Variants in GRK5 observed in about 807,000 individuals in gnomAD.
GRK5 encodes the protein g protein-coupled receptor kinase GRK5.
Under a neutral mutation model 78.4 loss-of-function variants are expected in GRK5, and 40 were observed. The observed-to-expected ratio is 0.51, with a 90% CI of 0.40 to 0.66. The LOEUF is 0.66. Ranked by LOEUF, GRK5 falls within the 30% of genes least tolerant of loss-of-function variation. GRK5 has a pLI of 0.00. For missense variants in GRK5, 598 were observed against 759.9 expected (o/e 0.79, Z 2.50); for synonymous variants, 289 against 296.8 (o/e 0.97, Z 0.27).
intron 1 of GRK5, among the ~76,000 whole-genome samples, chr10:119,285,264 A>G (rs924560303): frequency 1.3e-5 from 2 of 152,066 alleles, no homozygotes; most frequent in African/African-American, 2.4e-5. Flanking sequence ...GTTTTCTCAA[A>G]TGGGTCTCTA....
chr10:119,278,734 G>A (rs918187613), intron 1 of GRK5, among the ~76,000 whole-genome samples: 1 of 152,144 alleles, frequency 6.6e-6, no homozygotes, highest in African/African-American at 2.4e-5. Flanking sequence ...CCAGTCTGGA[G>A]GCTGGAAGTT....
In GRK5 at chr10:119,321,596, C is replaced by A. The variant is rs770968940; in HGVS notation, c.53-4920C>A. ...TTAGGACCCTGTTGGTGACAGTGGG[C>A]CCACCTGGATAATCCAGGATTATGT... On this transcript the variant is annotated intron_variant, in intron 1 of 15. Coordinates refer to ENST00000392870, the MANE Select transcript of GRK5 (RefSeq NM_005308.3). 9.2e-5 allele frequency among the ~76,000 whole-genome samples: 14 copies of A among 152,320 alleles called. No individual in the cohort carries two copies. In the East Asian group the frequency reaches 1.3e-3, roughly 15 times the overall value.
intron 3 of GRK5, among the ~76,000 whole-genome samples, chr10:119,394,143 G>A (rs1361964059): frequency 6.3e-5 from 8 of 127,456 alleles, no homozygotes; most frequent in East Asian, 2.7e-4. Context: ...GGTATCTGTG[G>A]GTATGTGTGT....
rs112263212 is a variant in GRK5 at position 119,324,402 on chromosome 10, G to A, written c.53-2114G>A. 2.8e-3 allele frequency among the ~76,000 whole-genome samples: 421 copies of A among 152,334 alleles called. 2 individuals carry two copies. Among genetic ancestry groups the A allele is most frequent in the African/African-American group, 9.6e-3 (400 of 41,584 alleles). ...AGCACTTTGGGAGGCCAAGGCAGGC[G>A]GATCACTTGAGGTCAGGAGTTTGAG... On this transcript the variant is annotated intron_variant, in intron 1 of 15. Coordinates refer to ENST00000392870, the MANE Select transcript of GRK5 (RefSeq NM_005308.3).
At chr10:119,341,783 A>G (rs2133785350) in intron 2 of GRK5, among the ~76,000 whole-genome samples, 1 of 152,250 alleles carries the variant, frequency 6.6e-6, no homozygotes, top group South Asian at 2.1e-4. Flanking sequence ...AAAAACACTC[A>G]ATCTTCCCAA....
intron 1 of GRK5, among the ~76,000 whole-genome samples, chr10:119,317,349 T>G (rs1412922570): frequency 0.011 from 11 of 978 alleles, no homozygotes; most frequent in Non-Finnish European, 0.023. Flanking sequence ...AGTAGATGGG[T>G]GTGTGTGTGT....
At chr10:119,424,325 G>T (rs1034590759) in intron 5 of GRK5, among the ~76,000 whole-genome samples, 15 of 152,154 alleles carry the variant, frequency 9.9e-5, no homozygotes, top group Non-Finnish European at 1.5e-4. Context: ...AGATTACTCA[G>T]TGTGGCCACT....
chr10:119,324,747 T>A (rs1168549455), intron 1 of GRK5, among the ~76,000 whole-genome samples: 1 of 152,272 alleles, frequency 6.6e-6, no homozygotes, highest in Non-Finnish European at 1.5e-5. Flanking sequence ...TATGTTTATA[T>A]GTACATGAAA....
intron 1 of GRK5, among the ~76,000 whole-genome samples, chr10:119,230,092 T>C (rs1589691164): frequency 6.6e-6 from 1 of 151,146 alleles, no homozygotes; most frequent in Non-Finnish European, 1.5e-5. Context: ...GAGCCTGGAG[T>C]AGTTGTGGGG....
intron 2 of GRK5, among the ~76,000 whole-genome samples, chr10:119,370,454 G>A (rs1185029139): frequency 6.6e-6 from 1 of 152,186 alleles, no homozygotes; most frequent in Non-Finnish European, 1.5e-5. Context: ...GCTTGGTTTG[G>A]GTGTGTTTGT....
rs1370654349 is a variant in GRK5, at chr10:119,358,823, G to A, written c.149-21992G>A. On this transcript the variant is annotated intron_variant, in intron 2 of 15. Coordinates refer to ENST00000392870, the MANE Select transcript of GRK5 (RefSeq NM_005308.3). ...CACAGTTCTGGGGGCCACAGTTCAAGATCCAGGTGCCTCAGGGCTGGCTTC... is the reference window on the plus strand; with the variant it reads ...CACAGTTCTGGGGGCCACAGTTCAAAATCCAGGTGCCTCAGGGCTGGCTTC... Among the ~76,000 whole-genome samples the A allele has an allele frequency of 7.9e-5, 12 of 152,306 alleles. No homozygotes were observed. In the East Asian group the frequency reaches 2.1e-3, roughly 27 times the overall value.
intron 1 of GRK5, among the ~76,000 whole-genome samples, chr10:119,311,914 ATT>A (rs1554905357): frequency 3.6e-5 from 5 of 137,802 alleles, no homozygotes; most frequent in Non-Finnish European, 4.6e-5. Flanking sequence ...TGAATTGTTC[ATT>A]TTTTTTTTTT....
intron 11 of GRK5, among the ~76,000 whole-genome samples, chr10:119,442,724 C>G (rs954242381): frequency 6.6e-6 from 1 of 152,238 alleles, no homozygotes; most frequent in African/African-American, 2.4e-5. Context: ...GCCCTCTAGT[C>G]AGGCTGGTAC....
At chr10:119,419,348 G>C (rs1852525643) in intron 4 of GRK5, among the ~76,000 whole-genome samples, 1 of 152,232 alleles carries the variant, frequency 6.6e-6, no homozygotes, top group African/African-American at 2.4e-5. Context: ...TCCAGGGAAG[G>C]ACCAGACATC....
chr10:119,394,888 G>A (rs1003100835), intron 3 of GRK5, among the ~76,000 whole-genome samples: 4 of 143,034 alleles, frequency 2.8e-5, no homozygotes, highest in South Asian at 4.6e-4. Context: ...AGCGACAGGG[G>A]GCACAGAGGA....
At chr10:119,395,316 G>A (rs577057590) in intron 3 of GRK5, among the ~76,000 whole-genome samples, 2 of 152,342 alleles carry the variant, frequency 1.3e-5, no homozygotes, top group African/African-American at 2.4e-5. Context: ...GGTTGGAAAC[G>A]AGCCTGGCTG....
chr10:119,359,043 G>C (rs1851314394), intron 2 of GRK5, among the ~76,000 whole-genome samples: 1 of 152,170 alleles, frequency 6.6e-6, no homozygotes, highest in Non-Finnish European at 1.5e-5. Flanking sequence ...TTGGGGGTTA[G>C]GGCTTCAACA....
chr10:119,213,742 G>A (rs1042966354), intron 1 of GRK5, among the ~76,000 whole-genome samples: 4 of 152,286 alleles, frequency 2.6e-5, no homozygotes, highest in African/African-American at 9.6e-5. Flanking sequence ...AAAAGAGAAA[G>A]TCCTTACTTC....
chr10:119,323,542 G>A (rs983899876), intron 1 of GRK5, among the ~76,000 whole-genome samples: 2 of 152,186 alleles, frequency 1.3e-5, no homozygotes, highest in African/African-American at 4.8e-5. Flanking sequence ...TAGGCTGCCT[G>A]AATGAGGGCT....
Sources: gnomAD v4.1 joint callset for allele counts (sites outside exome capture counted in the v4.1 genomes callset) on GRCh38, gnomAD v4.1.1 for gene constraint, MANE v1.5 for transcripts, NCBI Gene and HGNC (gene_info 2026-07-23, HGNC 2026-07-21) for gene names.